NBPF3: variants seen among roughly 807,000 people sequenced by gnomAD.
The protein encoded by NBPF3 is NBPF member 3, also known as NBPF family member NBPF3.
Under a neutral mutation model 78.1 loss-of-function variants are expected in NBPF3, and 57 were observed. The observed-to-expected ratio is 0.73, with a 90% CI of 0.59 to 0.91. The LOEUF is 0.91. NBPF3 is among the 40% of genes least tolerant of loss of function. NBPF3 has a pLI of 0.00. For synonymous variants in NBPF3, 182 were observed against 271.7 expected (o/e 0.67, Z 3.25); for missense variants, 510 against 715.3 (o/e 0.71, Z 3.27).
chr1:21,437,476 C>G (rs59135551), upstream of NBPF3: 10,939 of 1,454,486 alleles, frequency 7.5e-3, 203 homozygotes, highest in Admixed American at 0.057. Context: ...TGCAGGTCCA[C>G]GAGGACGCCC....
At chr1:21,474,262 G>A (rs1642771910) in intron 7 of NBPF3, among the ~76,000 whole-genome samples, 1 of 146,930 alleles carries the variant, frequency 6.8e-6, no homozygotes, top group African/African-American at 2.5e-5. Context: ...GGAGTGCAAT[G>A]GCTCCATTTT....
At chr1:21,439,669 G>T (rs1324947835), upstream of NBPF3, among the ~76,000 whole-genome samples, 1 of 151,646 alleles carries the variant, frequency 6.6e-6, no homozygotes. Context: ...TAATAGATAC[G>T]GGGCTCTTTC....
chr1:21,479,792 A>ATCTCTCTCTC (rs374091070), intron 10 of NBPF3, among the ~76,000 whole-genome samples: 3 of 81,102 alleles, frequency 3.7e-5, no homozygotes, highest in East Asian at 4.2e-4. Flanking sequence ...TGAGCTCACT[A>ATCTCTCTCTC]TCTCTCTCTC....
At chr1:21,469,674 A>T (rs1001013043) in intron 3 of NBPF3, among the ~76,000 whole-genome samples, 1 of 152,172 alleles carries the variant, frequency 6.6e-6, no homozygotes, top group Non-Finnish European at 1.5e-5. Flanking sequence ...GCAGTGAGCC[A>T]AGAACACGCC....
At chr1:21,450,174 C>T (rs1335723887) in intron 2 of NBPF3, among the ~76,000 whole-genome samples, 2 of 151,914 alleles carry the variant, frequency 1.3e-5, no homozygotes, top group Non-Finnish European at 2.9e-5. Flanking sequence ...TTCTAGAGCT[C>T]AAGCTATTTT....
chr1:21,466,155 G>C (rs1372368155), intron 2 of NBPF3: 2 of 985,040 alleles, frequency 2.0e-6, no homozygotes, highest in African/African-American at 3.5e-5. Flanking sequence ...AGCAGGACGA[G>C]GGTAAGTGCA....
chr1:21,442,125 T>C (rs1167580314), intron 1 of NBPF3: 4 of 152,230 alleles, frequency 2.6e-5, no homozygotes, highest in African/African-American at 9.6e-5. Flanking sequence ...ATGCCTCCTT[T>C]CTAGGATTTA....
At chr1:21,475,020 G>C in intron 8 of NBPF3, 69 bp downstream of exon 8, 1 of 1,401,308 alleles carries the variant, frequency 7.1e-7, no homozygotes, top group Non-Finnish European at 1.0e-6. Flanking sequence ...TAGAGAAAAT[G>C]AGGAAGCAAT....
At chr1:21,467,465 C>T (rs2316505) in intron 2 of NBPF3, among the ~76,000 whole-genome samples, 110,653 of 152,028 alleles carry the variant, frequency 0.73, 41,066 homozygotes, top group South Asian at 0.9. Context: ...CAAACTCACC[C>T]TCTACTGCAA....
In NBPF3 at chr1:21,478,258, C is replaced by T; in HGVS notation, c.1107C>T (p.Thr369=). The change falls in exon 9 of 15, where the codon ACC becomes ACT. Residue 369 remains threonine, a synonymous_variant. Coordinates refer to ENST00000318249, the MANE Select transcript of NBPF3 (RefSeq NM_032264.6). ...CCTCATACCAGTCTGACAGGAGCAC[C>T]TTTCACTCAGTAGAGGAACAGCAAG... ...MSASYQSDRS[T]FHSVEEQQVG... is the part of the protein sequence containing the mutation. 5.0e-6 allele frequency: 8 copies of T among 1,614,162 alleles called. No homozygotes were observed. Among genetic ancestry groups the T allele is most frequent in the Non-Finnish European group, 6.8e-6 (8 of 1,180,034 alleles).
chr1:21,437,454 C>T (rs1640446901), upstream of NBPF3: 1 of 1,432,708 alleles, frequency 7.0e-7, no homozygotes, highest in African/African-American at 1.4e-5. Context: ...CGGGACAAGA[C>T]CGAGGGCACC....
intron 2 of NBPF3, chr1:21,459,752 G>T: frequency 2.9e-6 from 1 of 341,718 alleles, no homozygotes. Context: ...TCATCAGCAG[G>T]CCCAGTGTCT....
intron 4 of NBPF3, among the ~76,000 whole-genome samples, chr1:21,471,286 G>A (rs1184006537): frequency 6.6e-6 from 1 of 152,192 alleles, no homozygotes; most frequent in Admixed American, 6.5e-5. Flanking sequence ...AAGGATGGAT[G>A]TCTTTTTGAA....
At chr1:21,439,987 C>A (rs1640522122), upstream of NBPF3, 1 of 152,318 alleles carries the variant, frequency 6.6e-6, no homozygotes, top group African/African-American at 2.4e-5. Flanking sequence ...TCTCGGCCCG[C>A]AGGGCCCCTA....
chr1:21,442,180 ACT>A (rs1410082211), intron 1 of NBPF3: 1 of 149,558 alleles, frequency 6.7e-6, no homozygotes, highest in Middle Eastern at 3.2e-3. Flanking sequence ...TTGCGTTTTC[ACT>A]CTTTTATGTT....
At chr1:21,452,768 T>C (rs2147924661) in intron 2 of NBPF3, among the ~76,000 whole-genome samples, 1 of 152,364 alleles carries the variant, frequency 6.6e-6, no homozygotes, top group East Asian at 1.9e-4. Context: ...GCATCTCTTC[T>C]ATTCTCTTGC....
upstream of NBPF3, among the ~76,000 whole-genome samples, chr1:21,438,744 G>A (rs1220909417): frequency 6.6e-6 from 1 of 151,732 alleles, no homozygotes; most frequent in African/African-American, 2.4e-5. Flanking sequence ...GCACAGTCAC[G>A]TGGCTCGTCC....
chr1:21,436,840 GC>G, upstream of NBPF3: 2 of 898,250 alleles, frequency 2.2e-6, no homozygotes, highest in Non-Finnish European at 3.0e-6. The surrounding 1 kb of genome is among the most constrained non-coding windows in gnomAD (Gnocchi z 4.3). Flanking sequence ...TCTGGGTGCA[GC>G]CAGAGGCCCG....
At position 21,472,878 on chromosome 1, in the gene NBPF3, G is replaced by A; in HGVS notation, c.697G>A (p.Glu233Lys). ...DDDEDEDVKV[E>K]EAEKVQELYA... ...CGATGAGGATGAAGATGTTAAAGTT[G>A]AGGAGGCTGAGAAAGTACAGGAATT... Residue 233 changes from glutamate to lysine, a missense_variant, in exon 6 of 15, where the codon GAG becomes AAG. Glu to Lys is a moderately conservative substitution (Grantham distance 56). Around this residue, in one of 5 missense-constraint regions of NBPF3, gnomAD observed 440 missense variants for 478.2 expected, o/e 0.92. Transcript: ENST00000318249. 2 of 1,613,032 alleles carry A rather than the reference G, an allele frequency of 1.2e-6. No homozygotes were observed. The highest frequency in any genetic ancestry group is 8.5e-7 in the Non-Finnish European group (1 of 1,179,046).
Sources: gnomAD v4.1 joint callset for allele counts (sites outside exome capture counted in the v4.1 genomes callset) on GRCh38, gnomAD v4.1.1 for gene constraint, gnomAD v4.1.1 regional missense constraint, Gnocchi (gnomAD v3.1) non-coding constraint, MANE v1.5 for transcripts, NCBI Gene and HGNC (gene_info 2026-07-23, HGNC 2026-07-21) for gene names.